Variants in PICK1 observed in about 807,000 individuals in gnomAD.
PICK1 encodes PRKCA-binding protein.
PICK1 carries 23 observed loss-of-function variants against 48.9 expected under a neutral mutation model. That is an observed-to-expected ratio of 0.47 (90% CI 0.34 to 0.67). PICK1 has a LOEUF of 0.67. Among genes scored for constraint, PICK1 ranks in the 30% least tolerant of loss-of-function variants. The pLI, the probability that PICK1 is intolerant of heterozygous loss-of-function variation, is 0.01. For missense variants in PICK1, 423 were observed against 557.1 expected (o/e 0.76, Z 2.42); for synonymous variants, 217 against 228.2 (o/e 0.95, Z 0.44).
At chr22:38,061,840 C>G (rs540151365) in intron 3 of PICK1, among the ~76,000 whole-genome samples, 2 of 152,272 alleles carry the variant, frequency 1.3e-5, no homozygotes, top group Non-Finnish European at 2.9e-5. Context: ...GTTTCTTGAT[C>G]TATCACCTGT....
chr22:38,068,017 C>T (rs41307233), intron 5 of PICK1: 18,637 of 619,288 alleles, frequency 0.03, 355 homozygotes, highest in Non-Finnish European at 0.043. Flanking sequence ...ACCCCTACCT[C>T]CCTGCTTCTG....
chr22:38,066,846 G>T lies in PICK1; in HGVS notation c.283-858G>T, dbSNP rs2085536649. Among the ~76,000 whole-genome samples, 1 of 152,258 alleles carries T rather than the reference G, an allele frequency of 6.6e-6. No individual in the cohort carries two copies. Among genetic ancestry groups the T allele is most frequent in the Admixed American group, 6.5e-5 (1 of 15,290 alleles). On this transcript the variant is annotated intron_variant, in intron 4 of 12. Transcript: ENST00000356976. The surrounding 1 kb of genome is among the most constrained non-coding windows in gnomAD (Gnocchi z 4.1). Reference sequence around the variant, plus strand: ...ACAGCGCCCTCCCGTGCTCAGGCAAGTCCTCTTGGGAGAAGCCTTTGTCTC... The same window carrying T: ...ACAGCGCCCTCCCGTGCTCAGGCAATTCCTCTTGGGAGAAGCCTTTGTCTC...
intron 3 of PICK1, among the ~76,000 whole-genome samples, chr22:38,060,224 A>G (rs2085367017): frequency 6.6e-6 from 1 of 152,202 alleles, no homozygotes; most frequent in Non-Finnish European, 1.5e-5. Context: ...TGTTTCAAAA[A>G]AAAGAAAGAA....
chr22:38,070,533 G>C (rs2085652589), intron 6 of PICK1, among the ~76,000 whole-genome samples: 1 of 152,214 alleles, frequency 6.6e-6, no homozygotes, highest in South Asian at 2.1e-4. Flanking sequence ...AGGCCTGGCT[G>C]CTCCATCTCC....
chr22:38,061,800 C>T (rs2145860323), intron 3 of PICK1, among the ~76,000 whole-genome samples: 1 of 152,326 alleles, frequency 6.6e-6, no homozygotes, highest in South Asian at 2.1e-4. Context: ...GGATTACAGG[C>T]GTGAGCCACC....
intron 4 of PICK1, among the ~76,000 whole-genome samples, chr22:38,065,790 G>A (rs1423279889): frequency 2.0e-5 from 3 of 152,192 alleles, no homozygotes; most frequent in Admixed American, 6.5e-5. Context: ...CGAAGTGGCT[G>A]CTAGCTAGTC....
rs1330468417 is a variant in PICK1, at chr22:38,059,263, C to G, written c.71C>G (p.Thr24Ser). The change falls in exon 3 of 13, where the codon ACC (threonine) becomes AGC (serine). Residue 24 changes from threonine to serine, a missense_variant. Thr to Ser is a moderately conservative substitution (Grantham distance 58). Around this residue, in one of 2 missense-constraint regions of PICK1, gnomAD observed 279 missense variants for 417.8 expected, o/e 0.67. Transcript: ENST00000356976. ...ATCCCGACTGTGCCTGGGAAGGTGACCCTGCAGAAGGATGCTCAGAACCTG... is the reference window on the plus strand; with the variant it reads ...ATCCCGACTGTGCCTGGGAAGGTGAGCCTGCAGAAGGATGCTCAGAACCTG... ...LGIPTVPGKV[T>S]LQKDAQNLIG... 1.3e-6 allele frequency: 2 copies of G among 1,585,090 alleles called. No homozygotes were observed. The highest frequency in any genetic ancestry group is 1.7e-6 in the Non-Finnish European group (2 of 1,165,158).
rs779193833 is a variant in PICK1 at position 38,073,047 on chromosome 22, T to C, written c.738T>C (p.Thr246=). The C allele has an allele frequency of 3.9e-5, 63 of 1,613,716 alleles. No homozygotes were observed. The highest frequency in any genetic ancestry group is 5.0e-5 in the Non-Finnish European group (59 of 1,179,886). ...NTYLNKAIPD[T]RLTIKKYLDV... is the part of the protein sequence containing the mutation. The stretch of plus-strand genomic sequence containing the variant: ...ACCTCAACAAAGCCATCCCGGACAC[T>C]CGCCTCACCATCAAGAAGTACCTGG... Residue 246 remains threonine (T), a synonymous_variant, in exon 10 of 13, where the codon ACT becomes ACC. Transcript: ENST00000356976. This position sits in a 1 kb window ranked among gnomAD's most constrained non-coding sequence, Gnocchi z 5.7.
At chr22:38,060,252 G>T (rs532980704) in intron 3 of PICK1, among the ~76,000 whole-genome samples, 1 of 152,326 alleles carries the variant, frequency 6.6e-6, no homozygotes, top group African/African-American at 2.4e-5. Flanking sequence ...TTAAGCAGTA[G>T]CTGCTGCTAT....
Position 38,073,912 on chromosome 22 carries a change from C to G in PICK1, c.834+89C>G. On this transcript the variant is annotated intron_variant, in intron 11 of 12. Coordinates refer to ENST00000356976, the MANE Select transcript of PICK1 (RefSeq NM_012407.4). The surrounding 1 kb of genome is among the most constrained non-coding windows in gnomAD (Gnocchi z 5.7). ...TGGCTCAGGCCAACCCGGGAGAGAC[C>G]GGGGGGACTTGGCTGGACTCTCGTT... The G allele has an allele frequency of 2.3e-6, 3 of 1,302,298 alleles. No homozygotes were observed. The highest frequency in any genetic ancestry group is 3.3e-6 in the Non-Finnish European group (3 of 898,370). The allele number at this position is 1,302,298 out of a possible 1,614,324, so 80.7% of individuals were successfully genotyped here. A position where few individuals can be genotyped will look rare whatever the true frequency, so the allele number is the denominator to read the frequency against.
intron 3 of PICK1, among the ~76,000 whole-genome samples, chr22:38,064,080 CAG>C (rs766967068): frequency 7.2e-5 from 11 of 152,016 alleles, no homozygotes; most frequent in Non-Finnish European, 1.3e-4. Context: ...ATCTTCGAGA[CAG>C]AGTCTCGTTC....
chr22:38,068,010 C>A, intron 5 of PICK1: 1 of 630,790 alleles, frequency 1.6e-6, no homozygotes. Flanking sequence ...GCGTTTCACC[C>A]CTACCTCCCT....
intron 2 of PICK1, among the ~76,000 whole-genome samples, chr22:38,058,672 G>C (rs112860985): frequency 6.6e-6 from 1 of 152,128 alleles, no homozygotes; most frequent in East Asian, 1.9e-4. Context: ...CACATTTTAT[G>C]GATGAGGAAA....
chr22:38,061,573 C>T (rs1473576928), intron 3 of PICK1, among the ~76,000 whole-genome samples: 2 of 152,170 alleles, frequency 1.3e-5, no homozygotes, highest in African/African-American at 4.8e-5. Flanking sequence ...GGCTGGAGTG[C>T]AGTGGTGCAA....
Position 38,072,606 on chromosome 22 carries a change from A to G in PICK1, c.686A>G (p.Lys229Arg), listed in dbSNP as rs750223551. The change falls in exon 9 of 13, where the codon AAG (lysine) becomes AGG (arginine). Residue 229 changes from lysine to arginine, a missense_variant. Physicochemically the swap from Lys to Arg is conservative, Grantham distance 26 (BLOSUM62 2). Coordinates refer to ENST00000356976, the MANE Select transcript of PICK1 (RefSeq NM_012407.4). ...GGCATTCGGCTTCTGAAAACCATCA[A>G]GCCGGTAGGTCCTATTGAGCATGTG... ...KFGIRLLKTI[K>R]PMLTDLNTYL... 2 of 1,613,092 alleles carry G rather than the reference A, an allele frequency of 1.2e-6. No homozygotes were observed. The highest frequency in any genetic ancestry group is 4.5e-5 in the East Asian group (2 of 44,890).
chr22:38,065,199 A>G, intron 4 of PICK1, 69 bp downstream of exon 4: 1 of 1,518,516 alleles, frequency 6.6e-7, no homozygotes. Flanking sequence ...AGGCTGCCAG[A>G]GGTCCCAGCA....
chr22:38,067,818 G>T, intron 5 of PICK1, 48 bp downstream of exon 5: 1 of 1,501,554 alleles, frequency 6.7e-7, no homozygotes, highest in South Asian at 1.1e-5. Context: ...TCCCTGGATG[G>T]GCCCTGGCCC....
At chr22:38,072,351 T>C in intron 8 of PICK1, 126 bp from the exon 9 acceptor site, 3 of 1,107,980 alleles carry the variant, frequency 2.7e-6, no homozygotes, top group Non-Finnish European at 3.9e-6. Flanking sequence ...CTCTTGGAGG[T>C]GTAGCCCCTG....
Position 38,075,001 on chromosome 22 carries a change from C to T in PICK1, c.1117C>T (p.Leu373Phe), listed in dbSNP as rs1285300109. ...GGCGCACACCACATTGGCCTATGGC[C>T]TCAACCAGGAGGAGTTCACAGATGG... is the stretch of plus-strand genomic sequence containing the variant. Reference protein sequence around the residue: ...DLAHTTLAYGLNQEEFTDGEE... With the variant: ...DLAHTTLAYGFNQEEFTDGEE... The change falls in exon 13 of 13, where the codon CTC becomes TTC. Residue 373 changes from leucine (L) to phenylalanine (F), a missense_variant. Leu to Phe is a conservative substitution (Grantham distance 22). Transcript: ENST00000356976. 5.0e-6 allele frequency: 8 copies of T among 1,613,560 alleles called. No homozygotes were observed. The highest frequency in any genetic ancestry group is 6.8e-6 in the Non-Finnish European group (8 of 1,180,028).
Sources: gnomAD v4.1 joint callset for allele counts (sites outside exome capture counted in the v4.1 genomes callset) on GRCh38, gnomAD v4.1.1 for gene constraint, gnomAD v4.1.1 regional missense constraint, Gnocchi (gnomAD v3.1) non-coding constraint, MANE v1.5 for transcripts, NCBI Gene and HGNC (gene_info 2026-07-23, HGNC 2026-07-21) for gene names.